TNKS2: variants seen among roughly 807,000 people sequenced by gnomAD.
The protein encoded by TNKS2 is poly [ADP-ribose] polymerase tankyrase-2.
A neutral mutation model predicts 137.6 loss-of-function variants in TNKS2; 72 were observed. The ratio of observed to expected loss-of-function variants is 0.52; its 90% CI spans 0.43 to 0.64. The LOEUF (loss-of-function observed/expected upper bound fraction) is 0.64, where lower values mean the gene tolerates loss of function less well. TNKS2 is among the 30% of genes least tolerant of loss of function. The pLI is 0.00. For synonymous variants in TNKS2, 516 were observed against 512.1 expected (o/e 1.01, Z -0.10); for missense variants, 1,049 against 1,410.2 (o/e 0.74, Z 4.10).
At chr10:91,816,019 G>A (rs1019891077) in intron 2 of TNKS2, among the ~76,000 whole-genome samples, 5 of 136,920 alleles carry the variant, frequency 3.7e-5, no homozygotes, top group East Asian at 2.2e-4. Context: ...CGTGATCTCC[G>A]CTCACTGCAA....
Position 91,804,800 on chromosome 10 carries a change from A to G in TNKS2, c.199+5911A>G, listed in dbSNP as rs192959753. Reference sequence around the variant, plus strand: ...GCACAGAGTTTCACTCTTGTCGCCCAGGCTGGAGTGCAGTGGTGCGATCTT... The same window carrying G: ...GCACAGAGTTTCACTCTTGTCGCCCGGGCTGGAGTGCAGTGGTGCGATCTT... On this transcript the variant is annotated intron_variant, in intron 1 of 26. Transcript: ENST00000371627. Among the ~76,000 whole-genome samples, 670 of 152,328 alleles carry G rather than the reference A, an allele frequency of 4.4e-3. 9 individuals carry two copies. The highest frequency in any genetic ancestry group is 0.015 in the African/African-American group (635 of 41,580).
At chr10:91,859,747 C>G (rs1479303413) in intron 25 of TNKS2, 99 bp downstream of exon 25, 1 of 900,696 alleles carries the variant, frequency 1.1e-6, no homozygotes, top group Non-Finnish European at 1.7e-6. Context: ...CTTAGGAATG[C>G]AAGCTAGGCA....
At chr10:91,807,609 C>G (rs1017282915) in intron 1 of TNKS2, among the ~76,000 whole-genome samples, 2 of 152,156 alleles carry the variant, frequency 1.3e-5, no homozygotes, top group Non-Finnish European at 2.9e-5. Flanking sequence ...CAGCAAATGT[C>G]AACAAATTGC....
At chr10:91,813,750 A>G (rs542529362) in intron 2 of TNKS2, among the ~76,000 whole-genome samples, 246 of 152,218 alleles carry the variant, frequency 1.6e-3, no homozygotes, top group African/African-American at 5.8e-3. Context: ...GCTCCACGTA[A>G]CTCCATTTCA....
intron 21 of TNKS2, 89 bp downstream of exon 21, chr10:91,851,425 G>A (rs1842535391): frequency 1.4e-6 from 1 of 711,636 alleles, no homozygotes; most frequent in Non-Finnish European, 1.8e-6. Context: ...AAAAATATGA[G>A]AGAATCTGTT....
intron 21 of TNKS2, among the ~76,000 whole-genome samples, 196 bp from the exon 22 acceptor site, chr10:91,854,833 G>A (rs1239198503): frequency 1.3e-5 from 2 of 151,218 alleles, no homozygotes; most frequent in African/African-American, 4.9e-5. Flanking sequence ...AACCCAGGAC[G>A]CGGAGGTTGT....
At chr10:91,841,583 GAATA>G in intron 15 of TNKS2, 135 bp downstream of exon 15, 3 of 542,440 alleles carry the variant, frequency 5.5e-6, no homozygotes, top group Admixed American at 8.2e-5. Flanking sequence ...CTAGATTTTA[GAATA>G]AATATAATAA....
At chr10:91,828,453 G>A (rs772990104) in intron 9 of TNKS2, 47 bp downstream of exon 9, 2 of 1,461,060 alleles carry the variant, frequency 1.4e-6, no homozygotes, top group Non-Finnish European at 9.1e-7. Flanking sequence ...CGAAGAACGT[G>A]CTAAACTAAT....
At chr10:91,798,916 T>C in intron 1 of TNKS2, 27 bp downstream of exon 1, 4 of 1,368,528 alleles carry the variant, frequency 2.9e-6, no homozygotes, top group Non-Finnish European at 3.8e-6. Context: ...TCCCCTCGCC[T>C]CGCTCCAGAC....
rs200252145 is a variant in TNKS2, at chr10:91,851,219, A to T, written c.2698A>T (p.Thr900Ser). ...LMDIFEREQI[T>S]LDVLVEMGHK... ...TAGTTTCCTCCTCTTTTGTAAGATC[A>T]CTTTGGATGTATTAGTTGAGATGGG... is the stretch of plus-strand genomic sequence containing the variant. The change falls in exon 21 of 27, where the codon ACT becomes TCT. Residue 900 changes from threonine (T) to serine (S), a missense_variant. By Grantham distance (58) the Thr-to-Ser change is moderately conservative (BLOSUM62 1). Around this residue, in one of 6 missense-constraint regions of TNKS2, gnomAD observed 208 missense variants for 231.2 expected, o/e 0.90. Coordinates refer to ENST00000371627, the MANE Select transcript of TNKS2 (RefSeq NM_025235.4). The T allele has an allele frequency of 3.8e-5, 62 of 1,613,422 alleles. No homozygotes were observed. Among genetic ancestry groups the T allele is most frequent in the Middle Eastern group, 1.7e-4 (1 of 6,056 alleles).
rs1017151790 is a variant in TNKS2 at position 91,845,815 on chromosome 10, G to A, written c.2233G>A (p.Ala745Thr). 2 of 1,606,740 alleles carry A rather than the reference G, an allele frequency of 1.2e-6. No individual in the cohort carries two copies. Among genetic ancestry groups the A allele is most frequent in the Non-Finnish European group, 1.7e-6 (2 of 1,174,566 alleles). Reference sequence around the variant, plus strand: ...ATGTGTCAATGCCACGGACAAATGGGCTTTCACACCTTTGCACGAAGCAGC... The same window carrying A: ...ATGTGTCAATGCCACGGACAAATGGACTTTCACACCTTTGCACGAAGCAGC... ...NACVNATDKW[A>T]FTPLHEAAQK... The change falls in exon 18 of 27, where the codon GCT (alanine) becomes ACT (threonine). Residue 745 changes from alanine (A) to threonine (T), a missense_variant. Around this residue, in one of 6 missense-constraint regions of TNKS2, gnomAD observed 328 missense variants for 436.0 expected, o/e 0.75. Transcript: ENST00000371627.
At position 91,851,300 on chromosome 10, in the gene TNKS2, A is replaced by G. The variant is rs770634535; in HGVS notation, c.2779A>G (p.Ile927Val). ...TGCTTATGGACATAGGCACAAACTA[A>G]TTAAAGGAGTCGAGAGACTTATCTC... The part of the protein sequence containing the change: ...INAYGHRHKL[I>V]KGVERLISGQ... The change falls in exon 21 of 27, where the codon ATT becomes GTT. Residue 927 changes from isoleucine to valine, a missense_variant. Transcript: ENST00000371627. 3.1e-6 allele frequency: 5 copies of G among 1,608,448 alleles called. 1 individual carries two copies. The highest frequency in any genetic ancestry group is 1.7e-5 in the Admixed American group (1 of 58,320).
intron 15 of TNKS2, 48 bp from the exon 16 acceptor site, chr10:91,842,124 G>A: frequency 7.4e-7 from 1 of 1,342,446 alleles, no homozygotes; most frequent in Non-Finnish European, 1.0e-6. Flanking sequence ...TTGACCAAAG[G>A]CACATTTAAG....
At chr10:91,840,506 C>A in intron 13 of TNKS2, 55 bp from the exon 14 acceptor site, 4 of 1,501,026 alleles carry the variant, frequency 2.7e-6, no homozygotes, top group African/African-American at 1.4e-5. Context: ...TGACTTGAAA[C>A]AAGAAATAAC....
chr10:91,821,913 C>T (rs890955870), intron 6 of TNKS2, among the ~76,000 whole-genome samples: 4 of 152,196 alleles, frequency 2.6e-5, no homozygotes, highest in Admixed American at 2.0e-4. Context: ...CTCTTGAAAG[C>T]ACAGAGTTAA....
intron 3 of TNKS2, among the ~76,000 whole-genome samples, chr10:91,818,496 G>A (rs893415150): frequency 1.6e-4 from 25 of 152,042 alleles, no homozygotes; most frequent in African/African-American, 6.0e-4. Context: ...ATTGAGTTTT[G>A]TTTGTTTTGT....
intron 1 of TNKS2, among the ~76,000 whole-genome samples, chr10:91,802,679 C>T (rs1479493487): frequency 6.6e-6 from 1 of 152,264 alleles, no homozygotes; most frequent in Non-Finnish European, 1.5e-5. Context: ...AAAATGATAA[C>T]CATTGGAGAC....
intron 11 of TNKS2, among the ~76,000 whole-genome samples, chr10:91,833,438 A>T (rs138431197): frequency 4.6e-5 from 7 of 152,286 alleles, no homozygotes; most frequent in African/African-American, 1.4e-4. Context: ...ATAAGGGAGA[A>T]GATTAAGCCT....
chr10:91,809,653 G>C (rs551419297), intron 1 of TNKS2, among the ~76,000 whole-genome samples: 5 of 151,058 alleles, frequency 3.3e-5, no homozygotes, highest in Non-Finnish European at 7.4e-5. Context: ...GCTAAACAGC[G>C]GGACTCTGTC....
Sources: gnomAD v4.1 joint callset for allele counts (sites outside exome capture counted in the v4.1 genomes callset) on GRCh38, gnomAD v4.1.1 for gene constraint, gnomAD v4.1.1 regional missense constraint, MANE v1.5 for transcripts, NCBI Gene and HGNC (gene_info 2026-07-23, HGNC 2026-07-21) for gene names.